The following KIAA0825 variants were observed in gnomAD, a reference collection of about 807,000 sequenced individuals.
KIAA0825 encodes uncharacterized protein KIAA0825.
KIAA0825 carries 119 observed loss-of-function variants against 147.6 expected under a neutral mutation model. The ratio of observed to expected loss-of-function variants is 0.81; its 90% confidence interval spans 0.69 to 0.94. The LOEUF (loss-of-function observed/expected upper bound fraction) is 0.94, where lower values mean the gene tolerates loss of function less well. KIAA0825 is among the 40% of genes least tolerant of loss of function. The pLI, the probability that KIAA0825 is intolerant of heterozygous loss-of-function variation, is 0.00. For missense variants in KIAA0825, 1,381 were observed against 1,472.7 expected (o/e 0.94, Z 1.02); for synonymous variants, 470 against 518.1 (o/e 0.91, Z 1.26).
chr5:94,244,702 C>A (rs1775515948), intron 20 of KIAA0825, among the ~76,000 whole-genome samples: 1 of 152,122 alleles, frequency 6.6e-6, no homozygotes, highest in Non-Finnish European at 1.5e-5. Flanking sequence ...ACCTAGCTCA[C>A]AGAGCAGACA....
chr5:94,320,783 T>C (rs1013702736), intron 20 of KIAA0825, among the ~76,000 whole-genome samples: 3 of 152,080 alleles, frequency 2.0e-5, no homozygotes, highest in African/African-American at 7.2e-5. Context: ...GTTACTCATA[T>C]TGACACACAT....
In KIAA0825 at chr5:94,283,072, C is replaced by T. The variant is rs74859303; in HGVS notation, c.3710+101296G>A. 8.6e-3 allele frequency among the ~76,000 whole-genome samples: 1,302 copies of T among 152,096 alleles called. 3 individuals are homozygous for T. Among genetic ancestry groups the T allele is most frequent in the Non-Finnish European group, 0.013 (865 of 67,928 alleles). ...TGAAGCTTGAAGAAATGAATGTAAA[C>T]ATTCAAGACTAAAAGGCAAGAGTAG... On this transcript the variant is annotated intron_variant, in intron 20 of 20. Transcript: ENST00000682413.
At chr5:94,441,476 G>T (rs1757075400) in intron 13 of KIAA0825, among the ~76,000 whole-genome samples, 1 of 152,108 alleles carries the variant, frequency 6.6e-6, no homozygotes, top group Non-Finnish European at 1.5e-5. Context: ...AAATGTTTGT[G>T]TTCCCCCTCC....
intron 1 of KIAA0825, among the ~76,000 whole-genome samples, chr5:94,609,436 T>C (rs1788275925): frequency 6.6e-6 from 1 of 152,128 alleles, no homozygotes; most frequent in Non-Finnish European, 1.5e-5. Flanking sequence ...TTTTAATTTA[T>C]AATACAAAAA....
chr5:94,610,252 T>C (rs1401934252), intron 1 of KIAA0825, among the ~76,000 whole-genome samples: 2 of 150,810 alleles, frequency 1.3e-5, no homozygotes, highest in African/African-American at 4.9e-5. Flanking sequence ...AAACCCCATC[T>C]CTACTAAAAA....
intron 20 of KIAA0825, among the ~76,000 whole-genome samples, chr5:94,306,772 A>T (rs1189250545): frequency 6.6e-6 from 1 of 151,848 alleles, no homozygotes; most frequent in Non-Finnish European, 1.5e-5. Context: ...TCAAGTGTGG[A>T]TGTTGCAGCC....
chr5:94,421,786 C>T (rs1754227045), intron 14 of KIAA0825, among the ~76,000 whole-genome samples: 1 of 151,998 alleles, frequency 6.6e-6, no homozygotes, highest in Non-Finnish European at 1.5e-5. Context: ...TCTATGATTC[C>T]CCAATATTCC....
At chr5:94,227,478 C>A (rs1025985592) in intron 20 of KIAA0825, among the ~76,000 whole-genome samples, 3 of 151,622 alleles carry the variant, frequency 2.0e-5, no homozygotes, top group African/African-American at 7.3e-5. Context: ...AGCACACCAG[C>A]ATGGCACATG....
chr5:94,336,971 G>A (rs1314995055), intron 20 of KIAA0825, among the ~76,000 whole-genome samples: 12 of 152,126 alleles, frequency 7.9e-5, no homozygotes, highest in Admixed American at 6.6e-4. Context: ...ACATTTAAAA[G>A]AATTGAATAC....
chr5:94,573,627 C>G (rs184443526), intron 2 of KIAA0825, among the ~76,000 whole-genome samples: 1 of 152,230 alleles, frequency 6.6e-6, no homozygotes, highest in East Asian at 1.9e-4. Flanking sequence ...CAAATGTTTC[C>G]TATTCAGATC....
intron 2 of KIAA0825, among the ~76,000 whole-genome samples, chr5:94,550,575 G>A (rs1305858038): frequency 1.3e-5 from 2 of 152,190 alleles, no homozygotes; most frequent in African/African-American, 4.8e-5. Context: ...ATTCACGGTA[G>A]CTCACACCTG....
At chr5:94,602,699 A>G (rs527593197) in intron 1 of KIAA0825, among the ~76,000 whole-genome samples, 1 of 152,120 alleles carries the variant, frequency 6.6e-6, no homozygotes, top group South Asian at 2.1e-4. Flanking sequence ...TTCACCTTCC[A>G]TTCTTCCCTC....
At chr5:94,243,962 T>A (rs953220046) in intron 20 of KIAA0825, among the ~76,000 whole-genome samples, 3 of 152,202 alleles carry the variant, frequency 2.0e-5, no homozygotes, top group Non-Finnish European at 4.4e-5. Flanking sequence ...TCACTATCTT[T>A]CTGCTTCCTA....
At chr5:94,398,826 G>A (rs1022778378) in intron 16 of KIAA0825, among the ~76,000 whole-genome samples, 11 of 151,994 alleles carry the variant, frequency 7.2e-5, no homozygotes, top group Non-Finnish European at 1.2e-4. Context: ...TTGGTAAAAC[G>A]TTCTTTACTG....
intron 3 of KIAA0825, among the ~76,000 whole-genome samples, chr5:94,535,407 G>C (rs1188280919): frequency 6.7e-6 from 1 of 149,762 alleles, no homozygotes; most frequent in South Asian, 2.1e-4. Flanking sequence ...CTTCTTGAGA[G>C]GCTAAGGCAC....
At chr5:94,228,922 C>G (rs903513634) in intron 20 of KIAA0825, among the ~76,000 whole-genome samples, 2 of 152,232 alleles carry the variant, frequency 1.3e-5, no homozygotes, top group Non-Finnish European at 2.9e-5. Context: ...CTTGAGGCCA[C>G]TGGCCTGGGA....
At chr5:94,545,821 G>A (rs1192007174) in intron 2 of KIAA0825, among the ~76,000 whole-genome samples, 1 of 152,118 alleles carries the variant, frequency 6.6e-6, no homozygotes, top group Admixed American at 6.6e-5. Flanking sequence ...TCCTGCTTGA[G>A]AAAAACAGGG....
At chr5:94,471,791 T>G in intron 8 of KIAA0825, 60 bp from the exon 9 acceptor site, 3 of 1,474,876 alleles carry the variant, frequency 2.0e-6, no homozygotes, top group Non-Finnish European at 2.7e-6. Flanking sequence ...AAGTAATTTA[T>G]GGACAGTGGA....
intron 20 of KIAA0825, among the ~76,000 whole-genome samples, chr5:94,305,823 A>G (rs1447777275): frequency 6.6e-6 from 1 of 151,928 alleles, no homozygotes; most frequent in African/African-American, 2.4e-5. Flanking sequence ...GCAAGTTCCA[A>G]ATAGAAGGAT....
Sources: allele counts gnomAD v4.1 joint callset (sites outside exome capture counted in the v4.1 genomes callset), GRCh38; gene constraint gnomAD v4.1.1; transcripts MANE v1.5; gene names NCBI Gene and HGNC (gene_info 2026-07-23, HGNC 2026-07-21).